PTPRG: variants seen among roughly 807,000 people sequenced by gnomAD.
PTPRG encodes the protein protein tyrosine phosphatase receptor type G, also known as receptor-type tyrosine-protein phosphatase gamma.
In PTPRG, 102 loss-of-function variants were observed where a neutral mutation model predicts 165.3. That is an observed-to-expected ratio of 0.62 (90% CI 0.53 to 0.73). The LOEUF (loss-of-function observed/expected upper bound fraction) is 0.73. Ranked by LOEUF, PTPRG falls within the 30% of genes least tolerant of loss-of-function variation. The pLI is 0.00. For synonymous variants in PTPRG, 675 were observed against 669.5 expected (o/e 1.01, Z -0.13); for missense variants, 1,866 against 1,861.4 (o/e 1.00, Z -0.05).
chr3:61,888,402 A>C (rs946872286), intron 2 of PTPRG, among the ~76,000 whole-genome samples: 10 of 151,242 alleles, frequency 6.6e-5, no homozygotes, highest in Non-Finnish European at 1.2e-4. Flanking sequence ...GGTGCAATCT[A>C]GGCTCACTGC....
chr3:61,757,581 A>T (rs185862629), intron 2 of PTPRG, among the ~76,000 whole-genome samples: 10 of 152,204 alleles, frequency 6.6e-5, no homozygotes, highest in Non-Finnish European at 5.9e-5. Flanking sequence ...TAATGAACTG[A>T]TATTGACTTA....
chr3:61,656,950 A>G lies in PTPRG; in HGVS notation c.86-91928A>G, dbSNP rs553355040. ...TTCTAGAACCTGTGTAGGGGAGAGA[A>G]GATTCCTTTCCCTTACACATCAAAA... On this transcript the variant is annotated intron_variant, in intron 1 of 29. Transcript: ENST00000474889. 5.5e-4 allele frequency among the ~76,000 whole-genome samples: 84 copies of G among 152,326 alleles called. No individual in the cohort carries two copies. In the South Asian group the frequency reaches 0.014, roughly 26 times the overall value.
At chr3:61,792,809 A>G (rs1014826779) in intron 2 of PTPRG, among the ~76,000 whole-genome samples, 1 of 150,814 alleles carries the variant, frequency 6.6e-6, no homozygotes, top group African/African-American at 2.4e-5. Context: ...GCTCACTGCA[A>G]CCTCCGCCTC....
chr3:61,925,894 C>A (rs149378589), intron 2 of PTPRG: 136 of 499,118 alleles, frequency 2.7e-4, no homozygotes, highest in African/African-American at 2.5e-3. Flanking sequence ...CAACAAAATC[C>A]CTGTTGATGA....
chr3:62,179,943 G>GAGTAGCAAGTGGCCAGGA (rs1450975415), intron 8 of PTPRG, among the ~76,000 whole-genome samples: 3 of 152,214 alleles, frequency 2.0e-5, no homozygotes, highest in Non-Finnish European at 4.4e-5. Flanking sequence ...GAACAAGTAG[G>GAGTAGCAAGTGGCCAGGA]AGTAGCAAGT....
chr3:62,145,539 A>AGATGAT (rs148115531), intron 6 of PTPRG, among the ~76,000 whole-genome samples: 25 of 151,956 alleles, frequency 1.6e-4, no homozygotes, highest in Non-Finnish European at 2.4e-4. Flanking sequence ...GAAATGATGA[A>AGATGAT]GATGATGATG....
chr3:62,281,691 T>C lies in PTPRG; in HGVS notation c.3894T>C (p.Phe1298=), dbSNP rs1415349405. The part of the protein sequence containing the change: ...SNEEQIIIHD[F]ILEATQDDYV... ...AAGAACAAATTATCATCCATGACTT[T>C]ATCCTTGAAGCTACACAGGTAACCT... The change falls in exon 27 of 30, where the codon TTT becomes TTC. Residue 1298 remains phenylalanine, a synonymous_variant. Transcript: ENST00000474889. The C allele has an allele frequency of 6.2e-7, 1 of 1,611,828 alleles. No homozygotes were observed. The highest frequency in any genetic ancestry group is 8.5e-7 in the Non-Finnish European group (1 of 1,178,714).
intron 4 of PTPRG, among the ~76,000 whole-genome samples, chr3:62,059,590 C>T (rs1310374971): frequency 6.6e-6 from 1 of 152,242 alleles, no homozygotes; most frequent in Non-Finnish European, 1.5e-5. Context: ...ATAATCCCAG[C>T]TCTCTGGGAG....
intron 4 of PTPRG, among the ~76,000 whole-genome samples, chr3:62,074,938 C>T (rs1049622789): frequency 7.2e-5 from 11 of 152,148 alleles, no homozygotes; most frequent in Non-Finnish European, 1.3e-4. Context: ...TTTCAATTCA[C>T]GCATGTCCAA....
chr3:62,153,714 C>T (rs1373303830), intron 6 of PTPRG, among the ~76,000 whole-genome samples: 1 of 138,046 alleles, frequency 7.2e-6, no homozygotes, highest in East Asian at 1.9e-4. Context: ...TCTTTCTGAA[C>T]CTCTTTCTTT....
intron 15 of PTPRG, among the ~76,000 whole-genome samples, chr3:62,253,765 G>C (rs1701474649): frequency 6.6e-6 from 1 of 152,126 alleles, no homozygotes; most frequent in African/African-American, 2.4e-5. Context: ...CTTCAATTCT[G>C]AAATATTTGT....
At chr3:61,841,207 G>T (rs1227405775) in intron 2 of PTPRG, among the ~76,000 whole-genome samples, 2 of 152,200 alleles carry the variant, frequency 1.3e-5, no homozygotes, top group Non-Finnish European at 2.9e-5. Context: ...ATGTTAAAGA[G>T]ATGTTTTATA....
At position 62,085,689 on chromosome 3, in the gene PTPRG, A is replaced by G. The variant is rs77507015; in HGVS notation, c.615+7431A>G. On this transcript the variant is annotated intron_variant, in intron 5 of 29. Coordinates refer to ENST00000474889, the MANE Select transcript of PTPRG (RefSeq NM_002841.4). ...TGCTCTTGCTATTCTTTACATGTCT[A>G]TGTTTTTCTGCCTCTTTCCCCCCTT... Among the ~76,000 whole-genome samples, 678 of 152,130 alleles carry G rather than the reference A, an allele frequency of 4.5e-3. 8 individuals are homozygous for G. Among genetic ancestry groups the G allele is most frequent in the East Asian group, 0.031 (158 of 5,172 alleles).
chr3:61,571,368 A>G (rs1283748427), intron 1 of PTPRG, among the ~76,000 whole-genome samples: 1 of 151,948 alleles, frequency 6.6e-6, no homozygotes, highest in Admixed American at 6.6e-5. Flanking sequence ...TATGGAAACT[A>G]TTTTTCCTAA....
intron 4 of PTPRG, among the ~76,000 whole-genome samples, chr3:62,037,505 A>G (rs928504481): frequency 5.3e-5 from 8 of 152,260 alleles, no homozygotes; most frequent in Non-Finnish European, 8.8e-5. Flanking sequence ...GGCATTAGCA[A>G]ATATCCCTTG....
intron 16 of PTPRG, among the ~76,000 whole-genome samples, chr3:62,256,394 TTTG>T (rs1701537158): frequency 6.6e-6 from 1 of 152,202 alleles, no homozygotes; most frequent in Non-Finnish European, 1.5e-5. Flanking sequence ...TTTGTTAGTT[TTTG>T]TTGTTTTGAG....
chr3:62,182,605 G>C (rs750681163), intron 8 of PTPRG, among the ~76,000 whole-genome samples: 1 of 152,198 alleles, frequency 6.6e-6, no homozygotes, highest in Non-Finnish European at 1.5e-5. Flanking sequence ...ATAGTTCCTG[G>C]TCAAGGGCCT....
intron 2 of PTPRG, among the ~76,000 whole-genome samples, chr3:61,801,396 C>T (rs999518286): frequency 4.0e-5 from 6 of 151,174 alleles, no homozygotes; most frequent in Non-Finnish European, 7.4e-5. Context: ...GCAGCCTCAA[C>T]CTCTAGGGCT....
intron 3 of PTPRG, among the ~76,000 whole-genome samples, chr3:62,001,403 G>T (rs1375883843): frequency 1.3e-5 from 2 of 152,190 alleles, no homozygotes; most frequent in African/African-American, 4.8e-5. Flanking sequence ...TTCCCTGGGT[G>T]TATTGTAACA....
Sources: gnomAD v4.1 joint callset for allele counts (sites outside exome capture counted in the v4.1 genomes callset) on GRCh38, gnomAD v4.1.1 for gene constraint, MANE v1.5 for transcripts, NCBI Gene and HGNC (gene_info 2026-07-23, HGNC 2026-07-21) for gene names.